MGAT4C: variants seen among roughly 807,000 people sequenced by gnomAD.
MGAT4C encodes the protein alpha-1,3-mannosyl-glycoprotein 4-beta-N-acetylglucosaminyltransferase C.
In MGAT4C, 19 loss-of-function variants were observed where a neutral mutation model predicts 40.1. That is an observed-to-expected ratio of 0.47 (90% CI 0.33 to 0.70). The LOEUF is 0.70. Ranked by LOEUF, MGAT4C falls within the 30% of genes least tolerant of loss-of-function variation. The pLI is 0.02. For synonymous variants in MGAT4C, 181 were observed against 187.1 expected, an observed-to-expected ratio of 0.97 and a Z score of 0.27; for missense variants, 491 against 563.2, an observed-to-expected ratio of 0.87 and a Z score of 1.30.
At chr12:86,294,487 T>A (rs201474320) in intron 4 of MGAT4C, among the ~76,000 whole-genome samples, 1 of 152,168 alleles carries the variant, frequency 6.6e-6, no homozygotes, top group African/African-American at 2.4e-5. Flanking sequence ...CTCCTCTGCA[T>A]GCAAATACAC....
intron 1 of MGAT4C, among the ~76,000 whole-genome samples, chr12:86,080,179 C>A (rs1870566210): frequency 6.6e-6 from 1 of 152,086 alleles, no homozygotes; most frequent in Non-Finnish European, 1.5e-5. Flanking sequence ...TTCTCCTCCC[C>A]TCTGCATTTT....
chr12:86,689,708 G>A (rs1037232259), intron 2 of MGAT4C, among the ~76,000 whole-genome samples: 4 of 152,210 alleles, frequency 2.6e-5, no homozygotes, highest in East Asian at 3.9e-4. Flanking sequence ...AGGGGCACCC[G>A]CCAGATGCCA....
intron 1 of MGAT4C, among the ~76,000 whole-genome samples, chr12:86,765,686 G>A (rs2136159326): frequency 6.6e-6 from 1 of 152,298 alleles, no homozygotes; most frequent in South Asian, 2.1e-4. Flanking sequence ...AACTCTACAA[G>A]CCAGAAGAGA....
At chr12:86,607,865 C>T (rs147844853) in intron 2 of MGAT4C, among the ~76,000 whole-genome samples, 1 of 152,056 alleles carries the variant, frequency 6.6e-6, no homozygotes, top group Admixed American at 6.6e-5. Flanking sequence ...GGGGGAGAAA[C>T]ACATGTCACC....
chr12:86,546,293 T>C (rs1398979084), intron 2 of MGAT4C, among the ~76,000 whole-genome samples: 1 of 151,672 alleles, frequency 6.6e-6, no homozygotes. Context: ...TCTATCTCTA[T>C]TTATTACTGC....
At chr12:86,024,094 T>C (rs1304691191) in intron 2 of MGAT4C, among the ~76,000 whole-genome samples, 2 of 151,908 alleles carry the variant, frequency 1.3e-5, no homozygotes, top group Non-Finnish European at 2.9e-5. Context: ...TGTACAATTA[T>C]GGATGTTACT....
intron 2 of MGAT4C, among the ~76,000 whole-genome samples, chr12:86,516,161 G>A (rs1958684298): frequency 6.6e-6 from 1 of 151,854 alleles, no homozygotes; most frequent in African/African-American, 2.4e-5. Flanking sequence ...AAACAATCTT[G>A]AAAATAAAAG....
rs552200377 is a variant in MGAT4C at position 86,769,405 on chromosome 12, A to C, written c.-261-42164T>G. 5.0e-4 allele frequency among the ~76,000 whole-genome samples: 76 copies of C among 152,138 alleles called. 1 individual carries two copies. Among genetic ancestry groups the C allele is most frequent in the Admixed American group, 7.2e-4 (11 of 15,264 alleles). On this transcript the variant is annotated intron_variant, in intron 1 of 7. Transcript: ENST00000548651. ...GATGTGGAGACATAGGAACACTTTT[A>C]CACTGTTGGTGGGATTGTAAACTAG...
At chr12:86,094,948 C>T (rs544507331) in intron 1 of MGAT4C, among the ~76,000 whole-genome samples, 1 of 152,232 alleles carries the variant, frequency 6.6e-6, no homozygotes, top group Non-Finnish European at 1.5e-5. Flanking sequence ...CTCACTGTCA[C>T]AGCATTCACT....
intron 1 of MGAT4C, among the ~76,000 whole-genome samples, chr12:86,827,441 CT>C (rs1952829866): frequency 6.6e-6 from 1 of 151,368 alleles, no homozygotes; most frequent in African/African-American, 2.4e-5. Context: ...AACAAAATAT[CT>C]GTTGGATATT....
intron 1 of MGAT4C, among the ~76,000 whole-genome samples, chr12:86,204,231 C>A (rs1204371231): frequency 6.6e-6 from 1 of 151,434 alleles, no homozygotes. Flanking sequence ...AAAAATTTTT[C>A]TTGATGAAAT....
Position 85,960,174 on chromosome 12 carries a change from G to A in MGAT4C, c.*19115C>T, listed in dbSNP as rs1451788127. 3.9e-5 allele frequency: 6 copies of A among 151,940 alleles called. No individual in the cohort carries two copies. The highest frequency in any genetic ancestry group is 7.2e-5 in the African/African-American group (3 of 41,424). The allele number at this position is 151,940 out of a possible 1,614,324, so 9.4% of individuals were successfully genotyped here. A position where few individuals can be genotyped will look rare whatever the true frequency, so the allele number is the denominator to read the frequency against. On this transcript the variant is annotated 3_prime_UTR_variant, in exon 5 of 5. Coordinates refer to ENST00000611864, the MANE Select transcript of MGAT4C (RefSeq NM_001351288.2). ...GCCAGCCGTATGCAGACTTACAAAG[G>A]ACTACCCACTAAGAATAAAAACATG...
At chr12:86,601,625 G>A (rs1216750899) in intron 2 of MGAT4C, among the ~76,000 whole-genome samples, 2 of 152,114 alleles carry the variant, frequency 1.3e-5, no homozygotes, top group East Asian at 1.9e-4. Flanking sequence ...CAGACTGCGG[G>A]AGCGAAAGAA....
intron 1 of MGAT4C, among the ~76,000 whole-genome samples, chr12:86,074,263 T>C (rs538773676): frequency 1.3e-5 from 2 of 152,234 alleles, no homozygotes; most frequent in Admixed American, 6.5e-5. Flanking sequence ...GTTTCGGGTA[T>C]GTCTTTATCA....
intron 1 of MGAT4C, among the ~76,000 whole-genome samples, chr12:86,154,026 A>G (rs7967332): frequency 0.071 from 10,799 of 152,294 alleles, 640 homozygotes; most frequent in African/African-American, 0.16. Flanking sequence ...AGACGCTGAA[A>G]AGAGAAAAGG....
intron 2 of MGAT4C, among the ~76,000 whole-genome samples, chr12:86,023,527 A>G (rs1889967996): frequency 6.6e-6 from 1 of 150,590 alleles, no homozygotes; most frequent in African/African-American, 2.4e-5. Flanking sequence ...AAGACTTTAT[A>G]TTAAGCTTGG....
At chr12:86,001,180 T>C (rs1887255943) in intron 2 of MGAT4C, among the ~76,000 whole-genome samples, 1 of 152,148 alleles carries the variant, frequency 6.6e-6, no homozygotes, top group Non-Finnish European at 1.5e-5. Context: ...CTGCCATCAG[T>C]AAGAATCCTT....
chr12:86,368,643 C>G (rs2136209419), intron 3 of MGAT4C, among the ~76,000 whole-genome samples: 1 of 151,592 alleles, frequency 6.6e-6, no homozygotes, highest in East Asian at 1.9e-4. Flanking sequence ...ATTTTTTGAG[C>G]CAATGATTGT....
At chr12:86,620,575 G>A (rs1414348498) in intron 2 of MGAT4C, among the ~76,000 whole-genome samples, 2 of 152,040 alleles carry the variant, frequency 1.3e-5, no homozygotes, top group African/African-American at 4.8e-5. Context: ...GGTGGGAGGG[G>A]GATGGTGGTT....
Sources: gnomAD v4.1 joint callset for allele counts (sites outside exome capture counted in the v4.1 genomes callset) on GRCh38, gnomAD v4.1.1 for gene constraint, MANE v1.5 for transcripts, NCBI Gene and HGNC (gene_info 2026-07-23, HGNC 2026-07-21) for gene names.